Variants in AIF1L observed in about 807,000 individuals in gnomAD.
AIF1L encodes allograft inflammatory factor 1 like, also known as allograft inflammatory factor 1-like.
In AIF1L, 12 loss-of-function variants were observed where a neutral mutation model predicts 20.7. The ratio of observed to expected loss-of-function variants is 0.58; its 90% CI spans 0.37 to 0.94. The LOEUF (loss-of-function observed/expected upper bound fraction) is 0.94. Among genes scored for constraint, AIF1L ranks in the 40% least tolerant of loss-of-function variants. The pLI, the probability that AIF1L is intolerant of heterozygous loss-of-function variation, is 0.01. For synonymous variants in AIF1L, 76 were observed against 65.1 expected, an observed-to-expected ratio of 1.17 and a Z score of -0.81; for missense variants, 173 against 185.3, an observed-to-expected ratio of 0.93 and a Z score of 0.39.
intron 1 of AIF1L, 38 bp from the exon 2 acceptor site, chr9:131,096,764 G>A: frequency 6.6e-7 from 1 of 1,512,470 alleles, no homozygotes; most frequent in East Asian, 2.8e-5. Flanking sequence ...GGCCCGAAGA[G>A]GACCCCGCTT....
chr9:131,109,619 C>T (rs1830832647), intron 2 of AIF1L, among the ~76,000 whole-genome samples: 1 of 152,126 alleles, frequency 6.6e-6, no homozygotes, highest in African/African-American at 2.4e-5. Context: ...GGGTTATTTG[C>T]AGAGTTCGAG....
Position 131,108,894 on chromosome 9 carries a change from T to G in AIF1L, c.94-2703T>G, listed in dbSNP as rs139554921. On this transcript the variant is annotated intron_variant, in intron 2 of 5. Transcript: ENST00000247291. ...AGACTGAGATCCAAACCCAGATTGC[T>G]TTATAGTCAGTTAGTTCTTGTCATC... Among the ~76,000 whole-genome samples the G allele has an allele frequency of 3.7e-3, 565 of 152,334 alleles. 5 individuals carry two copies. Among genetic ancestry groups the G allele is most frequent in the African/African-American group, 0.013 (543 of 41,572 alleles).
chr9:131,099,234 T>A (rs766830969), intron 2 of AIF1L, among the ~76,000 whole-genome samples: 5 of 152,204 alleles, frequency 3.3e-5, no homozygotes, highest in Non-Finnish European at 7.3e-5. Context: ...CCCTGGCTCA[T>A]GCTGGTTGCT....
At chr9:131,108,308 TCCTG>T (rs1289855802) in intron 2 of AIF1L, 1 of 149,474 alleles carries the variant, frequency 6.7e-6, no homozygotes, top group Non-Finnish European at 1.5e-5. Context: ...CAAGTGATTC[TCCTG>T]CCTCAGCCTC....
At position 131,107,728 on chromosome 9, in the gene AIF1L, C is replaced by T. The variant is rs893373368; in HGVS notation, c.94-3869C>T. 3.3e-5 allele frequency among the ~76,000 whole-genome samples: 5 copies of T among 152,180 alleles called. No homozygotes were observed. The South Asian group carries it at 8.3e-4, about 25-fold the overall frequency. ...AAAAGTTGGCACTCGTATATTAGTG[C>T]GCCCCTCTGCCCCGCCTTTAAAAAT... On this transcript the variant is annotated intron_variant, in intron 2 of 5. Transcript: ENST00000247291.
chr9:131,120,233 A>G lies in AIF1L; in HGVS notation c.366-2A>G, dbSNP rs1444724089. ...TTTTTCTTTTCTCCATCTCCAAACCAGAGTCATGATGTTTGAAGGAAAAGC... is the reference window on the plus strand; with the variant it reads ...TTTTTCTTTTCTCCATCTCCAAACCGGAGTCATGATGTTTGAAGGAAAAGC... On this transcript the variant is annotated splice_acceptor_variant, in intron 5 of 5. Coordinates refer to ENST00000247291, the MANE Select transcript of AIF1L (RefSeq NM_031426.4). LOFTEE classifies it high-confidence loss of function. The G allele has an allele frequency of 6.2e-7, 1 of 1,612,220 alleles. No individual in the cohort carries two copies.
chr9:131,106,194 G>T (rs1305459595), intron 2 of AIF1L: 2 of 1,535,504 alleles, frequency 1.3e-6, no homozygotes, highest in South Asian at 2.4e-5. Context: ...TCAGTACTGT[G>T]CAGGGAGGGA....
chr9:131,106,569 G>A (rs1208245165), intron 2 of AIF1L, among the ~76,000 whole-genome samples: 1 of 152,040 alleles, frequency 6.6e-6, no homozygotes, highest in Non-Finnish European at 1.5e-5. Flanking sequence ...GATCACTTGA[G>A]CCCAGGAGTT....
chr9:131,097,078 T>C (rs1487376573), intron 2 of AIF1L, among the ~76,000 whole-genome samples: 1 of 151,434 alleles, frequency 6.6e-6, no homozygotes, highest in Non-Finnish European at 1.5e-5. Context: ...GGGTTGCAAG[T>C]TGTTACTCTT....
At chr9:131,097,646 TAAG>T (rs896818680) in intron 2 of AIF1L, among the ~76,000 whole-genome samples, 1 of 152,214 alleles carries the variant, frequency 6.6e-6, no homozygotes, top group Non-Finnish European at 1.5e-5. Context: ...TTCTAGAAGA[TAAG>T]GAAAGATATC....
In AIF1L at chr9:131,101,327, C is replaced by G. The variant is rs56384240; in HGVS notation, c.93+4464C>G. Among the ~76,000 whole-genome samples, 780 of 152,164 alleles carry G rather than the reference C, an allele frequency of 5.1e-3. 5 individuals are homozygous for G. Among genetic ancestry groups the G allele is most frequent in the African/African-American group, 0.018 (750 of 41,536 alleles). ...ATGCACAGTGAGAATCTGCAGACAG[C>G]CCCATGGGATAAGGATTATCATGAC... On this transcript the variant is annotated intron_variant, in intron 2 of 5. Coordinates refer to ENST00000247291, the MANE Select transcript of AIF1L (RefSeq NM_031426.4).
At chr9:131,097,378 C>T (rs1382429271) in intron 2 of AIF1L, among the ~76,000 whole-genome samples, 1 of 152,188 alleles carries the variant, frequency 6.6e-6, no homozygotes, top group Non-Finnish European at 1.5e-5. Context: ...TGCCCCCACG[C>T]CTGGCCTTAG....
intron 2 of AIF1L, among the ~76,000 whole-genome samples, chr9:131,107,041 T>C (rs12686428): frequency 0.23 from 34,528 of 151,994 alleles, 4,287 homozygotes; most frequent in East Asian, 0.33. Context: ...TGCAGTGAGC[T>C]GAGATCGCGC....
At chr9:131,105,712 T>C (rs1830732785) in intron 2 of AIF1L, among the ~76,000 whole-genome samples, 1 of 152,182 alleles carries the variant, frequency 6.6e-6, no homozygotes. Context: ...GCCTCTGTCA[T>C]GCGTGGGCAC....
Position 131,096,812 on chromosome 9 carries a change from G to C in AIF1L, c.42G>C (p.Ala14=). Residue 14 remains alanine (A), a synonymous_variant, in exon 2 of 6, where the codon GCG becomes GCC. Coordinates refer to ENST00000247291, the MANE Select transcript of AIF1L (RefSeq NM_031426.4). The part of the protein sequence containing the change: ...ELSNRFQGGK[A]FGLLKARQER... The stretch of plus-strand genomic sequence containing the variant: ...CTTTGTCTCCTCCAGGAGGGAAGGC[G>C]TTCGGCTTGCTCAAAGCCCGGCAGG... 6.5e-7 allele frequency: 1 copy of C among 1,536,650 alleles called. No individual in the cohort carries two copies. Among genetic ancestry groups the C allele is most frequent in the Non-Finnish European group, 8.8e-7 (1 of 1,142,542 alleles).
chr9:131,121,083 G>C lies in AIF1L; in HGVS notation c.*761G>C, dbSNP rs1831127826. 1.4e-6 allele frequency: 1 copy of C among 713,300 alleles called. No individual in the cohort carries two copies. The highest frequency in any genetic ancestry group is 2.6e-6 in the Non-Finnish European group (1 of 383,038). 44.2% of individuals were successfully genotyped at this position (713,300 alleles called of 1,614,324 possible). A position where few individuals can be genotyped will look rare whatever the true frequency, so the allele number is the denominator to read the frequency against. ...TGAGGCCTGGGGTTTTGGGGGAAAGGTCAGCTCAGTGCTGTTCCACCTTTT... is the reference window on the plus strand; with the variant it reads ...TGAGGCCTGGGGTTTTGGGGGAAAGCTCAGCTCAGTGCTGTTCCACCTTTT... On this transcript the variant is annotated 3_prime_UTR_variant, in exon 6 of 6. Coordinates refer to ENST00000247291, the MANE Select transcript of AIF1L (RefSeq NM_031426.4).
intron 2 of AIF1L, among the ~76,000 whole-genome samples, chr9:131,105,368 TTTG>T (rs1830723474): frequency 6.6e-6 from 1 of 152,152 alleles, no homozygotes; most frequent in Admixed American, 6.5e-5. Context: ...CATGTTTTGT[TTTG>T]TTTTGTTTTT....
At chr9:131,097,033 A>T (rs1439587288) in intron 2 of AIF1L, among the ~76,000 whole-genome samples, 170 bp downstream of exon 2, 1 of 151,992 alleles carries the variant, frequency 6.6e-6, no homozygotes, top group Admixed American at 6.5e-5. Context: ...CTCCGACTCC[A>T]GGTAGGTCCG....
At chr9:131,114,138 C>T (rs910630316) in intron 3 of AIF1L, 3 of 186,104 alleles carry the variant, frequency 1.6e-5, no homozygotes, top group African/African-American at 7.0e-5. Flanking sequence ...GTGGTTCCCA[C>T]ACCCGGTTGC....
Sources: gnomAD v4.1 joint callset for allele counts (sites outside exome capture counted in the v4.1 genomes callset) on GRCh38, gnomAD v4.1.1 for gene constraint, MANE v1.5 for transcripts, NCBI Gene and HGNC (gene_info 2026-07-23, HGNC 2026-07-21) for gene names.